Variants in C9orf72 observed in about 807,000 individuals in gnomAD.
C9orf72 encodes guanine nucleotide exchange factor C9orf72.
Under a neutral mutation model 51.6 loss-of-function variants are expected in C9orf72, and 44 were observed. That is an observed-to-expected ratio of 0.85 (90% CI 0.67 to 1.10). The LOEUF is 1.10. Among genes scored for constraint, C9orf72 ranks in the 50% least tolerant of loss-of-function variants. The pLI, the probability that C9orf72 is intolerant of heterozygous loss-of-function variation, is 0.00. For missense variants in C9orf72, 607 were observed against 570.6 expected (o/e 1.06, Z -0.65); for synonymous variants, 213 against 194.2 (o/e 1.10, Z -0.81).
rs1563897763 is a variant in C9orf72 at position 27,548,434 on chromosome 9, GGAAAAAA to G, written c.1260-19_1260-13del. ...TTTTTCCCTTCTGCCTAAAAATAATGGAAAAAAAAAAAAAAAAAAAAAAAAAAGAAGC... is the reference window on the plus strand; with the variant it reads ...TTTTTCCCTTCTGCCTAAAAATAATGAAAAAAAAAAAAAAAAAAAAGAAGC... On this transcript the variant is annotated splice_polypyrimidine_tract_variant and intron_variant, in intron 10 of 10. Transcript: ENST00000380003. 1 of 80,718 alleles carries G rather than the reference GGAAAAAA, an allele frequency of 1.2e-5. No homozygotes were observed. Among genetic ancestry groups the G allele is most frequent in the Non-Finnish European group, 1.9e-5 (1 of 52,378 alleles). The allele number at this position is 80,718 out of a possible 1,614,324, so 5.0% of individuals were successfully genotyped here.
At position 27,548,435 on chromosome 9, in the gene C9orf72, G is replaced by GGAAA. The variant is rs1820822674; in HGVS notation, c.1260-14_1260-13insTTTC. ...TTTTCCCTTCTGCCTAAAAATAATG[G>GGAAA]AAAAAAAAAAAAAAAAAAAAAAAAA... On this transcript the variant is annotated splice_polypyrimidine_tract_variant and intron_variant, in intron 10 of 10. Coordinates refer to ENST00000380003, the MANE Select transcript of C9orf72 (RefSeq NM_018325.5). 1.7e-5 allele frequency: 3 copies of GGAAA among 174,902 alleles called. No individual in the cohort carries two copies. The highest frequency in any genetic ancestry group is 1.1e-4 in the Admixed American group (1 of 8,752). 10.8% of individuals were successfully genotyped at this position (174,902 alleles called of 1,614,324 possible).
chr9:27,565,496 A>G (rs1379401462), intron 3 of C9orf72, 35 bp downstream of exon 3: 1 of 1,401,340 alleles, frequency 7.1e-7, no homozygotes, highest in Admixed American at 1.7e-5. Flanking sequence ...ACATGCTGTG[A>G]GAAAAACATT....
At chr9:27,553,853 A>G (rs1461835821) in intron 8 of C9orf72, among the ~76,000 whole-genome samples, 1 of 152,200 alleles carries the variant, frequency 6.6e-6, no homozygotes, top group Non-Finnish European at 1.5e-5. Flanking sequence ...TTAACAAGCA[A>G]AAAACAACCC....
At chr9:27,561,720 C>A in intron 4 of C9orf72, 71 bp from the exon 5 acceptor site, 1 of 982,314 alleles carries the variant, frequency 1.0e-6, no homozygotes, top group Non-Finnish European at 1.5e-6. Context: ...TTTTAATATA[C>A]AAGTTTTCGG....
At chr9:27,559,348 A>C (rs1349854522) in intron 6 of C9orf72, 4 of 151,900 alleles carry the variant, frequency 2.6e-5, no homozygotes, top group Admixed American at 2.0e-4. Flanking sequence ...TGTGCAACCT[A>C]AGGCTTTGGA....
At chr9:27,556,410 G>C in intron 8 of C9orf72, 151 bp downstream of exon 8, 1 of 605,610 alleles carries the variant, frequency 1.7e-6, no homozygotes, top group Non-Finnish European at 2.9e-6. Flanking sequence ...GAACATTTAA[G>C]AAAAAAATGC....
chr9:27,560,535 A>C (rs1471327996), intron 5 of C9orf72: 1 of 681,928 alleles, frequency 1.5e-6, no homozygotes, highest in Non-Finnish European at 1.9e-6. Context: ...GTATAATATC[A>C]TTTAATTAAT....
intron 1 of C9orf72, among the ~76,000 whole-genome samples, chr9:27,572,769 C>T (rs1382909253): frequency 1.3e-5 from 2 of 152,216 alleles, no homozygotes; most frequent in African/African-American, 4.8e-5. Flanking sequence ...TGATTACCAT[C>T]AGTCAAGTGA....
chr9:27,556,821 C>T lies in C9orf72; in HGVS notation c.856-25G>A, dbSNP rs373482380. 3.5e-6 allele frequency: 5 copies of T among 1,445,186 alleles called. No homozygotes were observed. The African/African-American group carries it at 7.0e-5, about 20-fold the overall frequency. 89.5% of individuals were successfully genotyped at this position (1,445,186 alleles called of 1,614,324 possible). On this transcript the variant is annotated intron_variant, in intron 7 of 10. Coordinates refer to ENST00000380003, the MANE Select transcript of C9orf72 (RefSeq NM_018325.5). ...CCTGTCAAAATAAAAGGAAAATTTA[C>T]TGTCTTACATGCCAAACGATATGAA...
At position 27,560,801 on chromosome 9, in the gene C9orf72, CTCTTT is replaced by C. The variant is rs71746336; in HGVS notation, c.666-507_666-503del. ...AAGTGAATACTTTATACTTTTACTT[CTCTTT>C]TATTAAAAGTAAAATTTCATGAAAA... On this transcript the variant is annotated intron_variant, in intron 5 of 10. Transcript: ENST00000380003. 4.8e-3 allele frequency: 4,580 copies of C among 964,190 alleles called. 171 individuals carry two copies. The African/African-American group carries it at 0.073, about 15-fold the overall frequency. 59.7% of individuals were successfully genotyped at this position (964,190 alleles called of 1,614,324 possible).
At chr9:27,552,709 T>C (rs1226907867) in intron 8 of C9orf72, among the ~76,000 whole-genome samples, 2 of 152,020 alleles carry the variant, frequency 1.3e-5, no homozygotes, top group African/African-American at 2.4e-5. Flanking sequence ...ACCTTTTCTC[T>C]ACCTATTGAG....
chr9:27,560,151 C>G, intron 6 of C9orf72, 76 bp downstream of exon 6: 2 of 944,818 alleles, frequency 2.1e-6, no homozygotes, highest in South Asian at 3.6e-5. Flanking sequence ...TTGCAACCTA[C>G]CATTTAAATG....
chr9:27,548,218 G>A lies in C9orf72; in HGVS notation c.*18C>T, dbSNP rs528229273. On this transcript the variant is annotated 3_prime_UTR_variant, in exon 11 of 11. Transcript: ENST00000380003. Reference sequence around the variant, plus strand: ...AGCGATCATGATTGTGATGGAATAGGCTTATTAAGTTACACATTTAAAAAG... The same window carrying A: ...AGCGATCATGATTGTGATGGAATAGACTTATTAAGTTACACATTTAAAAAG... The A allele has an allele frequency of 2.5e-6, 4 of 1,581,862 alleles. No individual in the cohort carries two copies. The highest frequency in any genetic ancestry group is 1.4e-5 in the African/African-American group (1 of 73,784).
chr9:27,548,757 C>CT, intron 9 of C9orf72, 91 bp from the exon 10 acceptor site: 2 of 711,474 alleles, frequency 2.8e-6, no homozygotes, highest in East Asian at 2.7e-5. Flanking sequence ...GCTTGGCAGA[C>CT]AATACACACT....
Position 27,548,295 on chromosome 9 carries a change from T to C in C9orf72, c.1387A>G (p.Ile463Val), listed in dbSNP as rs747372712. 1.9e-6 allele frequency: 3 copies of C among 1,613,160 alleles called. No individual in the cohort carries two copies. The highest frequency in any genetic ancestry group is 2.2e-5 in the South Asian group (2 of 91,020). Residue 463 changes from isoleucine to valine, a missense_variant, in exon 11 of 11, where the codon ATC (isoleucine) becomes GTC (valine). Physicochemically the swap from Ile to Val is conservative, Grantham distance 29. Coordinates refer to ENST00000380003, the MANE Select transcript of C9orf72 (RefSeq NM_018325.5). ...EKIKPGLHSFIFGRPFYTSVQ... is the reference protein window; with the variant it reads ...EKIKPGLHSFVFGRPFYTSVQ... ...CTAGTGTAGAAAGGTCTTCCAAAGA[T>C]AAAAGAGTGTAGGCCTGGTTTAATT...
intron 9 of C9orf72, among the ~76,000 whole-genome samples, chr9:27,549,572 C>A (rs1438425740): frequency 6.6e-6 from 1 of 152,048 alleles, no homozygotes; most frequent in Non-Finnish European, 1.5e-5. Context: ...GACACAGTTT[C>A]CTGGCCTGAT....
chr9:27,562,589 A>C, intron 3 of C9orf72, 113 bp from the exon 4 acceptor site: 1 of 483,032 alleles, frequency 2.1e-6, no homozygotes, highest in Non-Finnish European at 3.6e-6. Context: ...AATACTTCGT[A>C]ATTTGTTCAA....
chr9:27,567,932 G>C (rs1338292059), intron 1 of C9orf72, among the ~76,000 whole-genome samples: 1 of 152,056 alleles, frequency 6.6e-6, no homozygotes, highest in African/African-American at 2.4e-5. Context: ...TCATGCCCCT[G>C]TCAACACTTT....
In C9orf72 at chr9:27,556,491, T is replaced by C; in HGVS notation, c.1091+70A>G. On this transcript the variant is annotated intron_variant, in intron 8 of 10. Transcript: ENST00000380003. ...TTCTTTTTAAATGCAACTTCTGTTT[T>C]GTTTTTATTCGTAAAAGACACAATT... 3 of 1,008,754 alleles carry C rather than the reference T, an allele frequency of 3.0e-6. No individual in the cohort carries two copies. The South Asian group carries it at 4.6e-5, about 16-fold the overall frequency. 62.5% of individuals were successfully genotyped at this position (1,008,754 alleles called of 1,614,324 possible).
Sources: gnomAD v4.1 joint callset for allele counts (sites outside exome capture counted in the v4.1 genomes callset) on GRCh38, gnomAD v4.1.1 for gene constraint, MANE v1.5 for transcripts, NCBI Gene and HGNC (gene_info 2026-07-23, HGNC 2026-07-21) for gene names.